TNKS: variants seen among roughly 807,000 people sequenced by gnomAD.
The protein encoded by TNKS is tankyrase, also known as poly [ADP-ribose] polymerase tankyrase-1.
TNKS carries 72 observed loss-of-function variants against 135.8 expected under a neutral mutation model. The ratio of observed to expected loss-of-function variants is 0.53; its 90% confidence interval spans 0.44 to 0.64. The LOEUF (loss-of-function observed/expected upper bound fraction) is 0.64. TNKS is among the 30% of genes least tolerant of loss of function. The probability of loss-of-function intolerance (pLI) is 0.00; values close to 1 mark genes in which losing one functional copy is unlikely to be tolerated. For synonymous variants in TNKS, 849 were observed against 649.3 expected, an observed-to-expected ratio of 1.31 and a Z score of -4.68; for missense variants, 1,769 against 1,674.0, an observed-to-expected ratio of 1.06 and a Z score of -0.99.
At chr8:9,699,905 C>G (rs1052799829) in intron 5 of TNKS, among the ~76,000 whole-genome samples, 3 of 152,244 alleles carry the variant, frequency 2.0e-5, no homozygotes, top group African/African-American at 7.2e-5. Flanking sequence ...GTCTCATACA[C>G]TACACTTAGC....
intron 3 of TNKS, among the ~76,000 whole-genome samples, chr8:9,675,668 TA>T (rs1802502723): frequency 1.3e-5 from 2 of 152,232 alleles, no homozygotes; most frequent in East Asian, 3.8e-4. Context: ...TAATTGTCAT[TA>T]TTTTTTAAGT....
intron 1 of TNKS, among the ~76,000 whole-genome samples, chr8:9,566,012 A>G (rs1363572975): frequency 6.6e-6 from 1 of 152,166 alleles, no homozygotes; most frequent in Non-Finnish European, 1.5e-5. Context: ...TAGTAAGTAG[A>G]CATTGAAAAG....
chr8:9,661,148 G>T (rs2128787588), intron 3 of TNKS, among the ~76,000 whole-genome samples: 1 of 152,022 alleles, frequency 6.6e-6, no homozygotes, highest in East Asian at 1.9e-4. Context: ...CGTGAAAATG[G>T]CCATACTGCC....
intron 5 of TNKS, among the ~76,000 whole-genome samples, chr8:9,690,366 A>T (rs1803208153): frequency 6.6e-6 from 1 of 152,176 alleles, no homozygotes; most frequent in South Asian, 2.1e-4. Context: ...TACCCTATGG[A>T]TTTCTTGTTC....
At chr8:9,708,571 CTT>C in intron 9 of TNKS, 79 bp downstream of exon 9, 1 of 1,296,712 alleles carries the variant, frequency 7.7e-7, no homozygotes, top group Non-Finnish European at 1.0e-6. Flanking sequence ...TTTCAGAAAC[CTT>C]AAAGTAACTT....
Position 9,770,259 on chromosome 8 carries a change from A to C in TNKS, c.3894A>C (p.Glu1298Asp). ...AYAEYVIYRG[E>D]QAYPEYLITY... Reference sequence around the variant, plus strand: ...CTGAATATGTCATCTACAGAGGAGAACAGGTATGTTACTCATCAAACAAGC... The same window carrying C: ...CTGAATATGTCATCTACAGAGGAGACCAGGTATGTTACTCATCAAACAAGC... Residue 1298 changes from glutamate (E) to aspartate (D), a missense_variant, in exon 26 of 27, where the codon GAA (glutamate) becomes GAC (aspartate). Physicochemically the swap from Glu to Asp is conservative, Grantham distance 45. Around this residue, in one of 5 missense-constraint regions of TNKS, gnomAD observed 722 missense variants for 688.9 expected, o/e 1.05. Transcript: ENST00000310430. The C allele has an allele frequency of 1.2e-6, 2 of 1,610,408 alleles. No homozygotes were observed. The highest frequency in any genetic ancestry group is 8.5e-7 in the Non-Finnish European group (1 of 1,177,666).
chr8:9,685,759 GC>G (rs1802967224), intron 5 of TNKS, among the ~76,000 whole-genome samples: 1 of 152,116 alleles, frequency 6.6e-6, no homozygotes, highest in Non-Finnish European at 1.5e-5. Flanking sequence ...TGAGATATAT[GC>G]CCATTTTTAA....
intron 2 of TNKS, among the ~76,000 whole-genome samples, chr8:9,586,633 A>G (rs1798387021): frequency 6.6e-6 from 1 of 152,096 alleles, no homozygotes; most frequent in Non-Finnish European, 1.5e-5. Flanking sequence ...CCCAGATAAG[A>G]TCTTGGTTCA....
chr8:9,770,029 A>T (rs1807727242), intron 25 of TNKS, 77 bp from the exon 26 acceptor site: 2 of 1,343,144 alleles, frequency 1.5e-6, no homozygotes, highest in African/African-American at 1.5e-5. Context: ...ATTTTTAAAA[A>T]ATTAATAGAT....
chr8:9,609,951 G>A (rs995057004), intron 2 of TNKS, among the ~76,000 whole-genome samples: 1 of 151,992 alleles, frequency 6.6e-6, no homozygotes, highest in African/African-American at 2.4e-5. Context: ...TCCACCTCCC[G>A]GGTTCACGCC....
rs111743203 is a variant in TNKS, at chr8:9,772,807, G to C, written c.3897+2545G>C. On this transcript the variant is annotated intron_variant, in intron 26 of 26. Transcript: ENST00000310430. Reference sequence around the variant, plus strand: ...TTTTGGGGAGAATGTGTGTGTGTGTGTTTGTGTGTGTGTGTGTGTGTGTCT... The same window carrying C: ...TTTTGGGGAGAATGTGTGTGTGTGTCTTTGTGTGTGTGTGTGTGTGTGTCT... Among the ~76,000 whole-genome samples the C allele has an allele frequency of 2.7e-3, 288 of 107,688 alleles. 3 individuals carry two copies. Among genetic ancestry groups the C allele is most frequent in the African/African-American group, 0.011 (268 of 24,548 alleles). The allele number at this position is 107,688 out of a possible 152,430, so 70.6% of individuals were successfully genotyped here.
chr8:9,688,975 A>T (rs996853196), intron 5 of TNKS, among the ~76,000 whole-genome samples: 2 of 152,124 alleles, frequency 1.3e-5, no homozygotes, highest in Non-Finnish European at 2.9e-5. Flanking sequence ...TTAGAAGGGC[A>T]CTAATCTTAT....
chr8:9,585,242 G>A (rs2129054386), intron 2 of TNKS, among the ~76,000 whole-genome samples: 1 of 152,020 alleles, frequency 6.6e-6, no homozygotes, highest in East Asian at 1.9e-4. Context: ...CGTGTGAGAT[G>A]TACAGAGACA....
At chr8:9,693,899 C>A (rs1401624304) in intron 5 of TNKS, among the ~76,000 whole-genome samples, 9 of 152,128 alleles carry the variant, frequency 5.9e-5, no homozygotes, top group African/African-American at 2.2e-4. Flanking sequence ...GTAGGGTGAC[C>A]AACCGTCTTA....
In TNKS at chr8:9,705,842, T is replaced by G. The variant is rs117238359; in HGVS notation, c.1203-345T>G. Among the ~76,000 whole-genome samples, 1,434 of 152,330 alleles carry G rather than the reference T, an allele frequency of 9.4e-3. 11 individuals are homozygous for G. The highest frequency in any genetic ancestry group is 0.022 in the South Asian group (108 of 4,830). On this transcript the variant is annotated intron_variant, in intron 6 of 26. Transcript: ENST00000310430. ...GCTAGAAATTACCATTAAAGTGAAT[T>G]AAAATGGTGGAATATTTCAGTTCAC...
At chr8:9,613,370 A>G (rs752492849) in intron 2 of TNKS, among the ~76,000 whole-genome samples, 4 of 152,298 alleles carry the variant, frequency 2.6e-5, no homozygotes, top group Middle Eastern at 3.4e-3. Context: ...TTATGTTCTA[A>G]TTCAGTCCTC....
chr8:9,615,540 G>A, intron 2 of TNKS, 42 bp from the exon 3 acceptor site: 7 of 1,527,182 alleles, frequency 4.6e-6, no homozygotes, highest in Non-Finnish European at 6.3e-6. Context: ...AATAATCTCT[G>A]TATCCCCGAG....
At chr8:9,642,531 A>G (rs1800765414) in intron 3 of TNKS, among the ~76,000 whole-genome samples, 2 of 146,618 alleles carry the variant, frequency 1.4e-5, no homozygotes, top group South Asian at 4.4e-4. Flanking sequence ...ATCCTTCATA[A>G]ACGTGATCAG....
intron 1 of TNKS, chr8:9,575,421 A>T: frequency 1.0e-6 from 1 of 985,342 alleles, no homozygotes; most frequent in Non-Finnish European, 1.2e-6. Flanking sequence ...CTACCCTACT[A>T]GATATCTAGA....
Sources: gnomAD v4.1 joint callset for allele counts (sites outside exome capture counted in the v4.1 genomes callset) on GRCh38, gnomAD v4.1.1 for gene constraint, gnomAD v4.1.1 regional missense constraint, MANE v1.5 for transcripts, NCBI Gene and HGNC (gene_info 2026-07-23, HGNC 2026-07-21) for gene names.